ARL17B: variants seen among roughly 807,000 people sequenced by gnomAD.
ARL17B encodes ADP-ribosylation factor-like protein 17.
At chr17:46,287,601 A>G (rs186455118) in intron 4 of ARL17B, among the ~76,000 whole-genome samples, 2 of 152,408 alleles carry the variant, frequency 1.3e-5, no homozygotes, top group Admixed American at 1.3e-4. Context: ...CGAATTAAAA[A>G]TAATTTCTCA....
rs374373871 is a variant in ARL17B, at chr17:46,351,247, A to G, written c.259+1573T>C. Among the ~76,000 whole-genome samples, 70 of 14,626 alleles carry G rather than the reference A, an allele frequency of 4.8e-3. 18 individuals are homozygous for G. Among genetic ancestry groups the G allele is most frequent in the Non-Finnish European group, 5.7e-3 (2 of 352 alleles). 9.6% of individuals were successfully genotyped at this position (14,626 alleles called of 152,430 possible). A position where few individuals can be genotyped will look rare whatever the true frequency, so the allele number is the denominator to read the frequency against. On this transcript the variant is annotated intron_variant, in intron 3 of 3. Transcript: ENST00000450673. ...TGGTCTCCAACTCCTGACCTCAGGT[A>G]ATCCACCAGGCTTGGCTTCCCAAAG...
intron 3 of ARL17B, among the ~76,000 whole-genome samples, chr17:46,314,789 C>G (rs2050981309): frequency 1.2e-5 from 1 of 82,054 alleles, no homozygotes; most frequent in African/African-American, 3.1e-5. Flanking sequence ...GTAAGAAATA[C>G]TGGTCTGTAA....
chr17:46,286,229 G>A (rs1432709209), intron 4 of ARL17B, among the ~76,000 whole-genome samples: 5 of 152,210 alleles, frequency 3.3e-5, no homozygotes, highest in Non-Finnish European at 2.9e-5. Flanking sequence ...TTTCAAGATC[G>A]ACATTCCAGT....
rs567601467 is a variant in ARL17B at position 46,276,681 on chromosome 17, A to G, written c.*22-1263T>C. On this transcript the variant is annotated intron_variant, in intron 4 of 4. Transcript: ENST00000570618. ...TAAAATCAAGTTTCAATAACTGGCTAGTTATGTTTCATTCTACCTTAAATC... is the reference window on the plus strand; with the variant it reads ...TAAAATCAAGTTTCAATAACTGGCTGGTTATGTTTCATTCTACCTTAAATC... Among the ~76,000 whole-genome samples the G allele has an allele frequency of 5.0e-4, 76 of 152,346 alleles. 1 individual carries two copies. The highest frequency in any genetic ancestry group is 1.8e-3 in the African/African-American group (74 of 41,580).
At chr17:46,283,355 G>A (rs2049820738) in intron 4 of ARL17B, among the ~76,000 whole-genome samples, 3 of 152,190 alleles carry the variant, frequency 2.0e-5, no homozygotes, top group Admixed American at 6.5e-5. Context: ...GCATCATTAG[G>A]GTCTACTGGT....
chr17:46,351,775 G>A (rs1315292550), intron 3 of ARL17B, among the ~76,000 whole-genome samples: 3 of 152,166 alleles, frequency 2.0e-5, no homozygotes, highest in African/African-American at 7.2e-5. Flanking sequence ...TTACTATCAA[G>A]TACATGCAGG....
At chr17:46,282,417 G>GA (rs140084047) in intron 4 of ARL17B, among the ~76,000 whole-genome samples, 1 of 144,492 alleles carries the variant, frequency 6.9e-6, no homozygotes, top group East Asian at 2.1e-4. Context: ...TTTTTTGTTT[G>GA]TTTTTTTTTT....
chr17:46,288,658 C>T (rs74400447), intron 4 of ARL17B, among the ~76,000 whole-genome samples: 8,238 of 150,226 alleles, frequency 0.055, 178 homozygotes, highest in Middle Eastern at 0.11. Context: ...AGGTCACTTT[C>T]GTCACCATCT....
At chr17:46,340,205 TG>T (rs1326879856) in intron 3 of ARL17B, among the ~76,000 whole-genome samples, 2 of 85,122 alleles carry the variant, frequency 2.3e-5, no homozygotes, top group Non-Finnish European at 6.8e-5. Context: ...GAGTTTTGTT[TG>T]TTTTTTTTTC....
At chr17:46,291,979 A>AC in intron 4 of ARL17B, among the ~76,000 whole-genome samples, 3 of 122,782 alleles carry the variant, frequency 2.4e-5, no homozygotes, top group African/African-American at 8.6e-5. Flanking sequence ...CAAAAAAAAA[A>AC]AAAAAAAAGC....
chr17:46,340,203 TTTG>T (rs2052473210), intron 3 of ARL17B, among the ~76,000 whole-genome samples: 1 of 85,020 alleles, frequency 1.2e-5, no homozygotes, highest in Admixed American at 1.2e-4. Context: ...AGGAGTTTTG[TTTG>T]TTTTTTTTTC....
intron 4 of ARL17B, among the ~76,000 whole-genome samples, chr17:46,287,774 T>C (rs2049958732): frequency 1.3e-5 from 2 of 152,212 alleles, no homozygotes; most frequent in Non-Finnish European, 2.9e-5. Flanking sequence ...ATCCAGAATC[T>C]GTCTACACTG....
At chr17:46,282,581 ATTTT>A (rs66586772) in intron 4 of ARL17B, among the ~76,000 whole-genome samples, 19 of 136,206 alleles carry the variant, frequency 1.4e-4, no homozygotes, top group South Asian at 4.5e-4. Context: ...AGCCTGGTTA[ATTTT>A]TTTTTTTTTT....
intron 4 of ARL17B, among the ~76,000 whole-genome samples, chr17:46,289,170 C>G (rs1319126791): frequency 6.6e-6 from 1 of 152,238 alleles, no homozygotes; most frequent in African/African-American, 2.4e-5. Context: ...GAAATCATAT[C>G]TATGACCAAG....
intron 4 of ARL17B, among the ~76,000 whole-genome samples, chr17:46,283,443 C>T (rs1468176609): frequency 6.6e-6 from 1 of 152,214 alleles, no homozygotes; most frequent in Non-Finnish European, 1.5e-5. Context: ...ACACTAATTC[C>T]ATTTAAGATT....
At chr17:46,276,790 C>CTTTTCTTTTTTTTTTTTTTTTTTTTTTTT (rs2049598576) in intron 4 of ARL17B, among the ~76,000 whole-genome samples, 1 of 134,320 alleles carries the variant, frequency 7.4e-6, no homozygotes. Context: ...TTCTTTTTTT[C>CTTTTCTTTTTTTTTTTTTTTTTTTTTTTT]TTTTTTTTTT....
At chr17:46,279,044 T>C (rs74390346) in intron 4 of ARL17B, among the ~76,000 whole-genome samples, 17,230 of 150,062 alleles carry the variant, frequency 0.11, no homozygotes, top group Non-Finnish European at 0.17. Context: ...GTGATCCACA[T>C]GCCTTGGCCT....
At chr17:46,287,115 C>G (rs541891089) in intron 4 of ARL17B, among the ~76,000 whole-genome samples, 8,773 of 133,612 alleles carry the variant, frequency 0.066, no homozygotes, top group Middle Eastern at 0.13. Flanking sequence ...CCATTCTACC[C>G]CTGGCAAACT....
At chr17:46,331,177 T>A (rs1264326689), downstream of ARL17B, 1 of 737,530 alleles carries the variant, frequency 1.4e-6, no homozygotes, top group East Asian at 2.6e-5. Flanking sequence ...CAATCGTACA[T>A]GCCAGAAAAA....
Sources: allele counts gnomAD v4.1 joint callset (sites outside exome capture counted in the v4.1 genomes callset), GRCh38; gene constraint gnomAD v4.1.1; transcripts MANE v1.5; gene names NCBI Gene and HGNC (gene_info 2026-07-23, HGNC 2026-07-21).